Variants in COA4 observed in about 807,000 individuals in gnomAD.
COA4 encodes the protein cytochrome c oxidase assembly factor 4 homolog.
Under a neutral mutation model 7.3 loss-of-function variants are expected in COA4, and 8 were observed. The observed-to-expected ratio is 1.10, with a 90% CI of 0.64 to 1.98. The LOEUF (loss-of-function observed/expected upper bound fraction) is 1.98. Among genes scored for constraint, COA4 ranks in the 30% most tolerant of loss-of-function variants. The pLI is 0.00. For missense variants in COA4, 96 were observed against 111.2 expected (o/e 0.86, Z 0.62); for synonymous variants, 42 against 44.3 (o/e 0.95, Z 0.21).
rs993087053 is a variant in COA4, at chr11:73,876,807, G to C, written c.-67C>G. 2 of 426,948 alleles carry C rather than the reference G, an allele frequency of 4.7e-6. No individual in the cohort carries two copies. The highest frequency in any genetic ancestry group is 8.1e-6 in the Non-Finnish European group (2 of 247,290). 26.4% of individuals were successfully genotyped at this position (426,948 alleles called of 1,614,324 possible). ...AACGCACGCTCCTACGCGGCGGCTT[G>C]GGTTTCGCAGGCGGTTGGGGATCCT... On this transcript the variant is annotated 5_prime_UTR_variant, in exon 1 of 2. Transcript: ENST00000355693.
At position 73,876,815 on chromosome 11, in the gene COA4, C is replaced by A; in HGVS notation, c.-75G>T. ...CTCCTACGCGGCGGCTTGGGTTTCG[C>A]AGGCGGTTGGGGATCCTCTGTACAT... On this transcript the variant is annotated 5_prime_UTR_variant, in exon 1 of 2. Transcript: ENST00000355693. 2.2e-6 allele frequency: 1 copy of A among 448,502 alleles called. No homozygotes were observed. The highest frequency in any genetic ancestry group is 3.8e-6 in the Non-Finnish European group (1 of 266,666). The allele number at this position is 448,502 out of a possible 1,614,324, so 27.8% of individuals were successfully genotyped here. A position where few individuals can be genotyped will look rare whatever the true frequency, so the allele number is the denominator to read the frequency against.
chr11:73,874,063 C>T (rs530927722), intron 1 of COA4, among the ~76,000 whole-genome samples: 1 of 152,204 alleles, frequency 6.6e-6, no homozygotes, highest in South Asian at 2.1e-4. Context: ...ACCTGTAATC[C>T]TAGCATTATG....
chr11:73,873,418 G>A (rs376730572), intron 1 of COA4, 24 bp from the exon 2 acceptor site: 1 of 1,601,552 alleles, frequency 6.2e-7, no homozygotes, highest in African/African-American at 1.3e-5. Flanking sequence ...ACAGGTTAGA[G>A]TAGGGATATA....
At position 73,873,064 on chromosome 11, in the gene COA4, T is replaced by G; in HGVS notation, c.*51A>C. On this transcript the variant is annotated 3_prime_UTR_variant, in exon 2 of 2. Coordinates refer to ENST00000355693, the MANE Select transcript of COA4 (RefSeq NM_016565.3). ...AGGATTTCTTCCTCTATAATCTTGC[T>G]GGGTGCTGGTCTTGGCAGGGCCATC... is the stretch of plus-strand genomic sequence containing the variant. 2 of 1,531,688 alleles carry G rather than the reference T, an allele frequency of 1.3e-6. No homozygotes were observed. The highest frequency in any genetic ancestry group is 1.8e-6 in the Non-Finnish European group (2 of 1,139,486). 94.9% of individuals were successfully genotyped at this position (1,531,688 alleles called of 1,614,324 possible).
intron 1 of COA4, among the ~76,000 whole-genome samples, chr11:73,875,029 G>T (rs1948726265): frequency 6.6e-6 from 1 of 152,096 alleles, no homozygotes; most frequent in South Asian, 2.1e-4. Context: ...CCCAAATATG[G>T]GTAGGTTTTG....
At chr11:73,875,411 C>T (rs772444313) in intron 1 of COA4, among the ~76,000 whole-genome samples, 14 of 152,164 alleles carry the variant, frequency 9.2e-5, no homozygotes, top group Non-Finnish European at 1.9e-4. Context: ...CAGTTAAGTT[C>T]CTGGCTTCAT....
intron 1 of COA4, 139 bp from the exon 2 acceptor site, chr11:73,873,533 CTTGTTTTTT>C: frequency 1.9e-6 from 1 of 539,020 alleles, no homozygotes; most frequent in Non-Finnish European, 3.0e-6. Flanking sequence ...AAGACAGATG[CTTGTTTTTT>C]TTTTTTTTTT....
At chr11:73,875,555 G>A (rs1342200764) in intron 1 of COA4, among the ~76,000 whole-genome samples, 2 of 152,118 alleles carry the variant, frequency 1.3e-5, no homozygotes, top group African/African-American at 4.8e-5. Context: ...CCTAGAGGAA[G>A]TGATTTCCAA....
At position 73,872,756 on chromosome 11, in the gene COA4, A is replaced by G; in HGVS notation, c.*359T>C. The G allele has an allele frequency of 4.8e-6, 1 of 209,640 alleles. No individual in the cohort carries two copies. The highest frequency in any genetic ancestry group is 9.6e-6 in the Non-Finnish European group (1 of 104,392). The allele number at this position is 209,640 out of a possible 1,614,324, so 13.0% of individuals were successfully genotyped here. On this transcript the variant is annotated 3_prime_UTR_variant, in exon 2 of 2. Coordinates refer to ENST00000355693, the MANE Select transcript of COA4 (RefSeq NM_016565.3). ...GTGATGAAAGAGAAAGGCACTAATT[A>G]GGTAATCAATTTACCATTAGATTGT...
intron 1 of COA4, chr11:73,873,661 G>C: frequency 2.0e-6 from 1 of 489,692 alleles, no homozygotes; most frequent in Non-Finnish European, 3.6e-6. Context: ...TGGGACTACA[G>C]GTGTGCATCA....
chr11:73,875,306 G>T (rs937811945), intron 1 of COA4, among the ~76,000 whole-genome samples: 1 of 152,164 alleles, frequency 6.6e-6, no homozygotes, highest in African/African-American at 2.4e-5. Context: ...ACTCCTTATT[G>T]CCTTAACTGT....
rs1948702818 is a variant in COA4, at chr11:73,872,789, A to T, written c.*326T>A. On this transcript the variant is annotated 3_prime_UTR_variant, in exon 2 of 2. Coordinates refer to ENST00000355693, the MANE Select transcript of COA4 (RefSeq NM_016565.3). ...AATTTACCATTAGATTGTAAATTTA[A>T]TTTAAAATAAAATGTCCCTAAAATC... The T allele has an allele frequency of 1.8e-5, 5 of 275,168 alleles. No individual in the cohort carries two copies. The highest frequency in any genetic ancestry group is 1.2e-3 in the Middle Eastern group (1 of 862). 17.0% of individuals were successfully genotyped at this position (275,168 alleles called of 1,614,324 possible).
In COA4 at chr11:73,873,381, T is replaced by C; in HGVS notation, c.-3A>G. ...CCTTGAGGGACTGAGGTTGACATCC[T>C]GGGGATGGGGAGTCTATAGAACATT... On this transcript the variant is annotated 5_prime_UTR_variant, in exon 2 of 2. Transcript: ENST00000355693. 2 of 1,613,996 alleles carry C rather than the reference T, an allele frequency of 1.2e-6. No homozygotes were observed. Among genetic ancestry groups the C allele is most frequent in the Non-Finnish European group, 1.7e-6 (2 of 1,179,914 alleles).
rs1565118460 is a variant in COA4, at chr11:73,873,324, CGTCTTT to C, written c.49_54del (p.Lys17_Asp18del). On this transcript the variant is annotated inframe_deletion, in exon 2 of 2. Transcript: ENST00000355693. Reference sequence around the variant, plus strand: ...TGGTCCAGCGGGTCCTCCTCCTCATCGTCTTTCTTCACCCGTTGGGTCCAGGTATGG... The same window carrying C: ...TGGTCCAGCGGGTCCTCCTCCTCATCCTTCACCCGTTGGGTCCAGGTATGG... 6.2e-7 allele frequency: 1 copy of C among 1,614,082 alleles called. No individual in the cohort carries two copies. Among genetic ancestry groups the C allele is most frequent in the African/African-American group, 1.3e-5 (1 of 74,938 alleles).
chr11:73,875,649 G>T (rs1257461750), intron 1 of COA4: 1 of 148,916 alleles, frequency 6.7e-6, no homozygotes, highest in Non-Finnish European at 1.5e-5. Context: ...GGTTGAGATA[G>T]AATCTGACAC....
chr11:73,875,191 A>G (rs1305296955), intron 1 of COA4, among the ~76,000 whole-genome samples: 2 of 152,226 alleles, frequency 1.3e-5, no homozygotes, highest in Non-Finnish European at 2.9e-5. Context: ...CGTCTGCATC[A>G]GAACACTCAG....
At chr11:73,873,606 G>A in intron 1 of COA4, 1 of 571,972 alleles carries the variant, frequency 1.7e-6, no homozygotes, top group East Asian at 2.9e-5. Context: ...CATCTTTAGG[G>A]ATCAAGCAAT....
At chr11:73,876,348 T>C (rs1948746284) in intron 1 of COA4, 1 of 152,192 alleles carries the variant, frequency 6.6e-6, no homozygotes, top group Non-Finnish European at 1.5e-5. Flanking sequence ...TACTATGTAA[T>C]CTTTTTCATT....
Position 73,875,369 on chromosome 11 carries a change from T to C in COA4, c.-17+1388A>G, listed in dbSNP as rs569226361. On this transcript the variant is annotated intron_variant, in intron 1 of 1. Coordinates refer to ENST00000355693, the MANE Select transcript of COA4 (RefSeq NM_016565.3). Reference sequence around the variant, plus strand: ...AGTACCTATCATGTACCAGGCACTATGCTAGTGCTGAGGATTCAAGACTGT... The same window carrying C: ...AGTACCTATCATGTACCAGGCACTACGCTAGTGCTGAGGATTCAAGACTGT... 3.9e-5 allele frequency among the ~76,000 whole-genome samples: 6 copies of C among 152,356 alleles called. No homozygotes were observed. In the East Asian group the frequency reaches 7.7e-4, roughly 20 times the overall value.
Sources: allele counts gnomAD v4.1 joint callset (sites outside exome capture counted in the v4.1 genomes callset), GRCh38; gene constraint gnomAD v4.1.1; transcripts MANE v1.5; gene names NCBI Gene and HGNC (gene_info 2026-07-23, HGNC 2026-07-21).